The following SHCBP1L variants were observed in gnomAD, a reference collection of about 807,000 sequenced individuals.
The protein encoded by SHCBP1L is SHC binding and spindle associated 1 like.
In SHCBP1L, 67 loss-of-function variants were observed where a neutral mutation model predicts 62.5. The ratio of observed to expected loss-of-function variants is 1.07; its 90% CI spans 0.88 to 1.31. The LOEUF (loss-of-function observed/expected upper bound fraction) is 1.31. Ranked by LOEUF, SHCBP1L falls within the 40% of genes most tolerant of loss-of-function variation. The pLI, the probability that SHCBP1L is intolerant of heterozygous loss-of-function variation, is 0.00. For missense variants in SHCBP1L, 823 were observed against 809.8 expected (o/e 1.02, Z -0.20); for synonymous variants, 284 against 289.4 (o/e 0.98, Z 0.19).
At chr1:182,947,444 AG>A (rs891274133) in intron 2 of SHCBP1L, among the ~76,000 whole-genome samples, 6 of 152,192 alleles carry the variant, frequency 3.9e-5, no homozygotes. Flanking sequence ...GTTATAAAAA[AG>A]TTTTCTTAAT....
intron 5 of SHCBP1L, 27 bp downstream of exon 5, chr1:182,939,146 GCTT>G (rs755208304): frequency 4.7e-5 from 71 of 1,524,352 alleles, no homozygotes; most frequent in Non-Finnish European, 6.3e-5. Context: ...GTAAACTTTT[GCTT>G]CTATTTGAAA....
At chr1:182,904,579 GCA>G (rs1428714594) in intron 7 of SHCBP1L, 149 bp from the exon 8 acceptor site, 48 of 840,416 alleles carry the variant, frequency 5.7e-5, no homozygotes, top group Admixed American at 3.1e-4. Context: ...GTGTGTGTGC[GCA>G]TGCGCATTTT....
intron 6 of SHCBP1L, among the ~76,000 whole-genome samples, chr1:182,923,529 G>T (rs1324794434): frequency 6.6e-6 from 1 of 152,036 alleles, no homozygotes. Flanking sequence ...TAGTCAAAAA[G>T]CTAATCCACC....
At chr1:182,906,981 G>C (rs1421387370) in intron 6 of SHCBP1L, among the ~76,000 whole-genome samples, 1 of 151,542 alleles carries the variant, frequency 6.6e-6, no homozygotes, top group Non-Finnish European at 1.5e-5. Context: ...CCATGCCTGG[G>C]TAATTTTTGT....
At chr1:182,919,586 G>T (rs1171605855) in intron 6 of SHCBP1L, among the ~76,000 whole-genome samples, 1 of 152,090 alleles carries the variant, frequency 6.6e-6, no homozygotes, top group African/African-American at 2.4e-5. Context: ...GTTAAAAACT[G>T]TAAGGCATCA....
At chr1:182,928,185 T>C (rs961230692) in intron 6 of SHCBP1L, among the ~76,000 whole-genome samples, 2 of 152,142 alleles carry the variant, frequency 1.3e-5, no homozygotes, top group Admixed American at 6.5e-5. Flanking sequence ...TTCATCACTC[T>C]CTTAGATGTT....
rs759423888 is a variant in SHCBP1L, at chr1:182,903,041, T to C, written c.1708A>G (p.Lys570Glu). 1 of 1,579,624 alleles carries C rather than the reference T, an allele frequency of 6.3e-7. No homozygotes were observed. The highest frequency in any genetic ancestry group is 1.4e-5 in the African/African-American group (1 of 73,776). The part of the protein sequence containing the change: ...SKSTLGGVNM[K>E]VLPAPKLKMT... Reference sequence around the variant, plus strand: ...TACATCAAGAAATAAGAGAATACCTTCATATTAACTCCACCTAAGGTGCTT... The same window carrying C: ...TACATCAAGAAATAAGAGAATACCTCCATATTAACTCCACCTAAGGTGCTT... Residue 570 changes from lysine (K) to glutamate (E), a missense_variant and splice_region_variant, in exon 9 of 10, where the codon AAG (lysine) becomes GAG (glutamate). Transcript: ENST00000367547.
chr1:182,932,391 T>G (rs1651035347), intron 5 of SHCBP1L, among the ~76,000 whole-genome samples: 1 of 152,220 alleles, frequency 6.6e-6, no homozygotes, highest in Non-Finnish European at 1.5e-5. Context: ...CCAAAGTGAC[T>G]ATACTGTTTT....
Position 182,952,940 on chromosome 1 carries a change from G to A in SHCBP1L, c.194C>T (p.Thr65Met), listed in dbSNP as rs2101965605. Residue 65 changes from threonine to methionine, a missense_variant, in exon 1 of 10, where the codon ACG becomes ATG. Physicochemically the swap from Thr to Met is moderately conservative, Grantham distance 81 (BLOSUM62 -1). Coordinates refer to ENST00000367547, the MANE Select transcript of SHCBP1L (RefSeq NM_030933.4). Reference protein sequence around the residue: ...RPVKGKAGRETARLRLQRLPA... With the variant: ...RPVKGKAGREMARLRLQRLPA... ...CAGGCGCTGGAGCCGCAGCCTGGCC[G>A]TCTCCCGGCCCGCTTTCCCCTTCAC... 3 of 1,552,424 alleles carry A rather than the reference G, an allele frequency of 1.9e-6. No individual in the cohort carries two copies. The highest frequency in any genetic ancestry group is 1.9e-5 in the Admixed American group (1 of 51,990).
At chr1:182,909,369 A>G (rs990289527) in intron 6 of SHCBP1L, among the ~76,000 whole-genome samples, 1 of 152,198 alleles carries the variant, frequency 6.6e-6, no homozygotes, top group African/African-American at 2.4e-5. Flanking sequence ...TAGCTACAAG[A>G]ATGCGTAAAG....
rs1250066266 is a variant in SHCBP1L, at chr1:182,952,049, C to T, written c.406-582G>A. 3.0e-5 allele frequency: 5 copies of T among 165,414 alleles called. No individual in the cohort carries two copies. In the South Asian group the frequency reaches 5.4e-4, roughly 18 times the overall value. 10.2% of individuals were successfully genotyped at this position (165,414 alleles called of 1,614,324 possible). A position where few individuals can be genotyped will look rare whatever the true frequency, so the allele number is the denominator to read the frequency against. ...GCTCATGCCTGTAATCCCAGCTACT[C>T]GGGAGGCTGAGGCAGGAGAATTGCT... On this transcript the variant is annotated intron_variant, in intron 1 of 9. Coordinates refer to ENST00000367547, the MANE Select transcript of SHCBP1L (RefSeq NM_030933.4).
In SHCBP1L at chr1:182,952,830, C is replaced by A. The variant is rs1275923496; in HGVS notation, c.304G>T (p.Glu102Ter). The A allele has an allele frequency of 6.2e-7, 1 of 1,611,954 alleles. No individual in the cohort carries two copies. The highest frequency in any genetic ancestry group is 8.5e-7 in the Non-Finnish European group (1 of 1,179,406). ...PLLPVPEDEE[E>*]AQPLPPVCVS... is the part of the protein sequence containing the mutation. ...CAGACTGGGGGCAGGGGCTGCGCCT[C>A]CTCTTCATCCTCAGGCACTGGCAGC... Residue 102 changes from glutamate to a stop codon, truncating the protein, a stop_gained, in exon 1 of 10, where the codon GAG becomes TAG. Transcript: ENST00000367547. LOFTEE classifies it high-confidence loss of function.
At position 182,900,015 on chromosome 1, in the gene SHCBP1L, C is replaced by T. The variant is rs905396561; in HGVS notation, c.1930G>A (p.Val644Ile). ...EMNNNKIEAN[V>I]KGDIRIVTS ...GTGACTATTCTGATATCCCCCTTGA[C>T]GTTTGCTTCTATCTTATTATTATTC... The change falls in exon 10 of 10, where the codon GTC becomes ATC. Residue 644 changes from valine (V) to isoleucine (I), a missense_variant. Coordinates refer to ENST00000367547, the MANE Select transcript of SHCBP1L (RefSeq NM_030933.4). 57 of 1,611,462 alleles carry T rather than the reference C, an allele frequency of 3.5e-5. 2 individuals are homozygous for T. In the Middle Eastern group the frequency reaches 4.9e-4, roughly 14 times the overall value.
intron 5 of SHCBP1L, among the ~76,000 whole-genome samples, chr1:182,930,928 A>T (rs1367829580): frequency 8.2e-4 from 113 of 136,990 alleles, no homozygotes; most frequent in Non-Finnish European, 1.3e-3. Flanking sequence ...GTCTCATTAC[A>T]TTGCCCAAGC....
At chr1:182,902,079 G>C (rs1008097139) in intron 9 of SHCBP1L, among the ~76,000 whole-genome samples, 3 of 25,618 alleles carry the variant, frequency 1.2e-4, no homozygotes, top group East Asian at 2.3e-3. Context: ...TTTTTTTTTT[G>C]AGACAGAGTC....
At chr1:182,916,350 A>C (rs1308096423) in intron 6 of SHCBP1L, among the ~76,000 whole-genome samples, 1 of 152,076 alleles carries the variant, frequency 6.6e-6, no homozygotes, top group Non-Finnish European at 1.5e-5. Context: ...AGCCAACAGT[A>C]AAAGGAAACG....
At chr1:182,900,803 CAGA>C (rs1321841364) in intron 9 of SHCBP1L, among the ~76,000 whole-genome samples, 5 of 151,768 alleles carry the variant, frequency 3.3e-5, no homozygotes, top group Admixed American at 3.3e-4. Flanking sequence ...AAGGCAGAGG[CAGA>C]AGGATAGCTT....
chr1:182,943,051 C>T (rs1651423908), intron 2 of SHCBP1L, among the ~76,000 whole-genome samples: 1 of 152,112 alleles, frequency 6.6e-6, no homozygotes, highest in Admixed American at 6.5e-5. Flanking sequence ...TGTGACAGGA[C>T]AAAAATATAT....
chr1:182,929,615 TAAATAAC>T (rs933166169), intron 6 of SHCBP1L, 25 bp downstream of exon 6: 2 of 1,424,048 alleles, frequency 1.4e-6, no homozygotes, highest in Non-Finnish European at 1.9e-6. Context: ...AGCTAATACT[TAAATAAC>T]AAATAAGAAT....
Sources: allele counts gnomAD v4.1 joint callset (sites outside exome capture counted in the v4.1 genomes callset), GRCh38; gene constraint gnomAD v4.1.1; transcripts MANE v1.5; gene names NCBI Gene and HGNC (gene_info 2026-07-23, HGNC 2026-07-21).